The following NYAP2 variants were observed in gnomAD, a reference collection of about 807,000 sequenced individuals.
NYAP2 encodes neuronal tyrosine-phosphorylated phosphoinositide-3-kinase adaptor 2, also known as neuronal tyrosine-phosphorylated phosphoinositide-3-kinase adapter 2.
Under a neutral mutation model 50.4 loss-of-function variants are expected in NYAP2, and 23 were observed. The observed-to-expected ratio is 0.46, with a 90% confidence interval of 0.33 to 0.65. The LOEUF (loss-of-function observed/expected upper bound fraction) is 0.65. Among genes scored for constraint, NYAP2 ranks in the 30% least tolerant of loss-of-function variants. The pLI is 0.02. For missense variants in NYAP2, 885 were observed against 861.0 expected (o/e 1.03, Z -0.35); for synonymous variants, 394 against 365.2 (o/e 1.08, Z -0.90).
chr2:225,443,584 C>T (rs1458452282), intron 3 of NYAP2, among the ~76,000 whole-genome samples: 2 of 151,712 alleles, frequency 1.3e-5, no homozygotes, highest in Non-Finnish European at 2.9e-5. Flanking sequence ...GCCTGGGCAA[C>T]AGAGCAAGAC....
chr2:225,494,353 G>T (rs1690464179), intron 3 of NYAP2, among the ~76,000 whole-genome samples: 1 of 152,148 alleles, frequency 6.6e-6, no homozygotes, highest in Non-Finnish European at 1.5e-5. Flanking sequence ...GTATTACTTT[G>T]CTTGACTTTG....
chr2:225,534,423 A>G (rs1325716641), intron 4 of NYAP2, among the ~76,000 whole-genome samples: 1 of 152,240 alleles, frequency 6.6e-6, no homozygotes. Context: ...GCATTATTCT[A>G]CAAGTCGCAG....
intron 5 of NYAP2, among the ~76,000 whole-genome samples, chr2:225,620,983 G>GGCA (rs1449484061): frequency 6.6e-6 from 1 of 152,030 alleles, no homozygotes; most frequent in Non-Finnish European, 1.5e-5. Flanking sequence ...GCATGGTGGT[G>GGCA]GGCGCCTGTA....
intron 3 of NYAP2, among the ~76,000 whole-genome samples, chr2:225,509,543 T>C (rs1269870739): frequency 6.6e-6 from 1 of 152,138 alleles, no homozygotes; most frequent in Non-Finnish European, 1.5e-5. Context: ...CTCCAGAGTG[T>C]CTGGGAAACA....
intron 3 of NYAP2, among the ~76,000 whole-genome samples, chr2:225,474,285 C>T (rs955286571): frequency 3.7e-4 from 56 of 152,140 alleles, no homozygotes; most frequent in African/African-American, 1.1e-3. Context: ...ATTGACTTGG[C>T]GATGAGGGCT....
At chr2:225,401,668 A>G (rs1037890054) in intron 2 of NYAP2, among the ~76,000 whole-genome samples, 2 of 152,048 alleles carry the variant, frequency 1.3e-5, no homozygotes, top group Non-Finnish European at 2.9e-5. Context: ...TACTTGGGAC[A>G]TGTTCTTATT....
intron 6 of NYAP2, among the ~76,000 whole-genome samples, chr2:225,631,880 T>C (rs1693322176): frequency 6.6e-6 from 1 of 152,208 alleles, no homozygotes; most frequent in Admixed American, 6.5e-5. Flanking sequence ...TACAATGGCA[T>C]GATCTCAGCT....
intron 3 of NYAP2, among the ~76,000 whole-genome samples, chr2:225,477,957 G>A (rs1228831662): frequency 1.3e-5 from 2 of 152,138 alleles, no homozygotes; most frequent in African/African-American, 4.8e-5. Flanking sequence ...TGTATTAAAA[G>A]AAGTGTTCAA....
intron 5 of NYAP2, among the ~76,000 whole-genome samples, chr2:225,611,107 G>T (rs912223264): frequency 6.6e-6 from 1 of 152,140 alleles, no homozygotes; most frequent in Non-Finnish European, 1.5e-5. Context: ...TTTTGAAAAT[G>T]TGTGGTAGAC....
At chr2:225,530,490 C>A (rs1372421279) in intron 4 of NYAP2, among the ~76,000 whole-genome samples, 1 of 152,186 alleles carries the variant, frequency 6.6e-6, no homozygotes, top group African/African-American at 2.4e-5. Context: ...AACCTCCATA[C>A]TTCCTAAATC....
chr2:225,670,947 T>TTTGCTAAAATCATTGCTTTAAAAAAA, the NYAP2 span, among the ~76,000 whole-genome samples: 1 of 152,266 alleles, frequency 6.6e-6, no homozygotes, highest in East Asian at 1.9e-4. Flanking sequence ...AAAAAAATAC[T>TTTGCTAAAATCATTGCTTTAAAAAAA]TCATTGCTAA....
intron 3 of NYAP2, among the ~76,000 whole-genome samples, chr2:225,485,556 G>A (rs73089794): frequency 6.6e-6 from 1 of 152,144 alleles, no homozygotes; most frequent in African/African-American, 2.4e-5. Flanking sequence ...TTCCAGAGGA[G>A]TGTTTAAAAG....
At chr2:225,416,627 A>T (rs912864580) in intron 3 of NYAP2, among the ~76,000 whole-genome samples, 8 of 152,206 alleles carry the variant, frequency 5.3e-5, no homozygotes, top group East Asian at 1.9e-4. Context: ...GACAACATTT[A>T]AAAAAGTTCC....
chr2:225,409,986 G>C (rs565507547), intron 3 of NYAP2, among the ~76,000 whole-genome samples: 9 of 151,946 alleles, frequency 5.9e-5, no homozygotes, highest in African/African-American at 2.2e-4. Flanking sequence ...ATGGTTAATT[G>C]GGAGATTTTT....
chr2:225,585,628 G>A (rs766699039), intron 5 of NYAP2, among the ~76,000 whole-genome samples: 4 of 152,142 alleles, frequency 2.6e-5, no homozygotes, highest in East Asian at 1.9e-4. Flanking sequence ...ATGCCTCTGA[G>A]TTACATTAAC....
chr2:225,655,504 G>A (rs1172739459), downstream of NYAP2, among the ~76,000 whole-genome samples: 6 of 152,144 alleles, frequency 3.9e-5, no homozygotes, highest in South Asian at 2.1e-4. Context: ...CTGCACAGGA[G>A]TCATGTATTA....
intron 6 of NYAP2, among the ~76,000 whole-genome samples, chr2:225,632,497 G>A (rs1693338545): frequency 6.6e-6 from 1 of 152,210 alleles, no homozygotes; most frequent in Admixed American, 6.5e-5. Context: ...GTTCTTAACA[G>A]CTCTTTTGAG....
intron 3 of NYAP2, among the ~76,000 whole-genome samples, chr2:225,461,633 G>T (rs1030055242): frequency 2.2e-4 from 34 of 152,106 alleles, no homozygotes; most frequent in African/African-American, 8.2e-4. Context: ...TTATTTTGGA[G>T]ACCATCTCAG....
intron 4 of NYAP2, among the ~76,000 whole-genome samples, chr2:225,551,587 G>T (rs1691675880): frequency 6.6e-6 from 1 of 152,134 alleles, no homozygotes; most frequent in Non-Finnish European, 1.5e-5. Flanking sequence ...GCAGAAAAGT[G>T]ACACTGTAAT....
Sources: allele counts gnomAD v4.1 joint callset (sites outside exome capture counted in the v4.1 genomes callset), GRCh38; gene constraint gnomAD v4.1.1; transcripts MANE v1.5; gene names NCBI Gene and HGNC (gene_info 2026-07-23, HGNC 2026-07-21).